CATSPERT: variants seen among roughly 807,000 people sequenced by gnomAD.
CATSPERT encodes the protein catsper channel auxiliary subunit tau, also known as cation channel sperm-associated targeting subunit tau.
the CATSPERT span, chr2:201,494,664 A>G: frequency 2.0e-6 from 3 of 1,536,172 alleles, no homozygotes; most frequent in African/African-American, 1.4e-5. Flanking sequence ...AGATATTTCT[A>G]TATTTGTATA....
At chr2:201,603,554 T>A in the CATSPERT span, among the ~76,000 whole-genome samples, 1 of 152,202 alleles carries the variant, frequency 6.6e-6, no homozygotes, top group Non-Finnish European at 1.5e-5. Context: ...AATCTGATCA[T>A]CACTCTTTAA....
At chr2:201,617,018 T>G in the CATSPERT span, among the ~76,000 whole-genome samples, 3 of 152,196 alleles carry the variant, frequency 2.0e-5, no homozygotes, top group African/African-American at 7.2e-5. Context: ...GAAGGTTCTC[T>G]TCAAGGAGAA....
At chr2:201,487,831 T>C in the CATSPERT span, 4 of 1,614,038 alleles carry the variant, frequency 2.5e-6, no homozygotes, top group Non-Finnish European at 3.4e-6. Flanking sequence ...AAAGCCTTGA[T>C]CTTGATTTTA....
the CATSPERT span, chr2:201,535,770 T>G: frequency 1.6e-5 from 22 of 1,356,698 alleles, no homozygotes; most frequent in African/African-American, 3.2e-4. Context: ...TTATTTGTAT[T>G]TAATTTTTTA....
At chr2:201,545,817 A>T in the CATSPERT span, among the ~76,000 whole-genome samples, 1 of 152,124 alleles carries the variant, frequency 6.6e-6, no homozygotes, top group South Asian at 2.1e-4. Flanking sequence ...TATTTTAAGG[A>T]GCCACATACT....
the CATSPERT span, among the ~76,000 whole-genome samples, chr2:201,508,804 T>G: frequency 1.4e-5 from 2 of 144,054 alleles, no homozygotes; most frequent in Admixed American, 7.2e-5. Flanking sequence ...CTCTAGCATG[T>G]GACGAGATTT....
the CATSPERT span, among the ~76,000 whole-genome samples, chr2:201,580,494 T>C: frequency 6.6e-6 from 1 of 152,224 alleles, no homozygotes; most frequent in African/African-American, 2.4e-5. Flanking sequence ...TATTCTTTTG[T>C]TTTAAAATTT....
At chr2:201,583,671 C>A in the CATSPERT span, among the ~76,000 whole-genome samples, 311 of 152,240 alleles carry the variant, frequency 2.0e-3, no homozygotes, top group African/African-American at 7.1e-3. Flanking sequence ...GCGTAGAGCT[C>A]CTACTTTCAT....
the CATSPERT span, among the ~76,000 whole-genome samples, chr2:201,580,793 C>T: frequency 1.3e-5 from 2 of 152,048 alleles, no homozygotes; most frequent in Non-Finnish European, 2.9e-5. Context: ...AATGAGCTGC[C>T]GGAAAGTGAA....
chr2:201,588,478 G>A, the CATSPERT span, among the ~76,000 whole-genome samples: 1 of 149,580 alleles, frequency 6.7e-6, no homozygotes, highest in South Asian at 2.1e-4. Flanking sequence ...AATAAACTAG[G>A]TATTGAAGGA....
chr2:201,607,866 C>T, the CATSPERT span, among the ~76,000 whole-genome samples: 2 of 152,084 alleles, frequency 1.3e-5, no homozygotes, highest in East Asian at 1.9e-4. Context: ...AGGGTGGACC[C>T]TAATCCCATA....
chr2:201,595,958 T>A, the CATSPERT span, among the ~76,000 whole-genome samples: 4 of 147,890 alleles, frequency 2.7e-5, no homozygotes, highest in African/African-American at 1.0e-4. Context: ...GAAAAAGGAA[T>A]GCTTATACAC....
At chr2:201,587,046 A>C in the CATSPERT span, among the ~76,000 whole-genome samples, 1 of 151,148 alleles carries the variant, frequency 6.6e-6, no homozygotes, top group South Asian at 2.1e-4. Flanking sequence ...TGCTGTAGGG[A>C]TTATAATATG....
chr2:201,528,689 T>C, the CATSPERT span, among the ~76,000 whole-genome samples: 1 of 152,130 alleles, frequency 6.6e-6, no homozygotes, highest in African/African-American at 2.4e-5. Flanking sequence ...TGTTCTCACT[T>C]ATAAGTGGGA....
the CATSPERT span, among the ~76,000 whole-genome samples, chr2:201,592,022 G>T: frequency 6.6e-6 from 1 of 152,046 alleles, no homozygotes; most frequent in Non-Finnish European, 1.5e-5. Context: ...CCAACACTAT[G>T]TTGAATAGGA....
the CATSPERT span, among the ~76,000 whole-genome samples, chr2:201,586,549 C>A: frequency 1.3e-5 from 2 of 151,884 alleles, no homozygotes; most frequent in Admixed American, 1.3e-4. Context: ...GACTGTCAGA[C>A]TGGATATTTT....
the CATSPERT span, chr2:201,554,258 A>G: frequency 1.8e-4 from 28 of 152,244 alleles, no homozygotes; most frequent in African/African-American, 6.7e-4. Flanking sequence ...GCTTTTTCTT[A>G]TCCACCATAA....
the CATSPERT span, among the ~76,000 whole-genome samples, chr2:201,590,434 C>T: frequency 2.4e-4 from 36 of 151,952 alleles, no homozygotes; most frequent in African/African-American, 5.3e-4. Flanking sequence ...TGAATAATGC[C>T]GCAATAAACA....
At chr2:201,522,783 G>A in the CATSPERT span, among the ~76,000 whole-genome samples, 1 of 152,190 alleles carries the variant, frequency 6.6e-6, no homozygotes, top group Admixed American at 6.5e-5. Flanking sequence ...CATTCTGCAA[G>A]GCCTGCCATA....
Sources: gnomAD v4.1 joint callset for allele counts (sites outside exome capture counted in the v4.1 genomes callset) on GRCh38, gnomAD v4.1.1 for gene constraint, MANE v1.5 for transcripts, NCBI Gene and HGNC (gene_info 2026-07-23, HGNC 2026-07-21) for gene names.